Variants in PRKD3 observed in about 807,000 individuals in gnomAD.
PRKD3 encodes the protein serine/threonine-protein kinase D3.
A neutral mutation model predicts 99.2 loss-of-function variants in PRKD3; 47 were observed. The observed-to-expected ratio is 0.47, with a 90% CI of 0.38 to 0.60. The LOEUF is 0.60. Among genes scored for constraint, PRKD3 ranks in the 20% least tolerant of loss-of-function variants. PRKD3 has a pLI of 0.00. For synonymous variants in PRKD3, 392 were observed against 355.4 expected (o/e 1.10, Z -1.16); for missense variants, 1,019 against 1,088.4 (o/e 0.94, Z 0.90).
chr2:37,274,761 T>A, intron 10 of PRKD3, 64 bp from the exon 11 acceptor site: 1 of 1,437,022 alleles, frequency 7.0e-7, no homozygotes, highest in Non-Finnish European at 9.5e-7. Context: ...TTAAATACAC[T>A]AAAGAACCAG....
chr2:37,301,790 C>G (rs926327208), intron 2 of PRKD3, among the ~76,000 whole-genome samples: 3 of 152,186 alleles, frequency 2.0e-5, no homozygotes, highest in African/African-American at 7.2e-5. Flanking sequence ...GAGGTGATGA[C>G]ATGTTTAAGT....
At chr2:37,312,249 AAT>A (rs1228299585) in intron 2 of PRKD3, among the ~76,000 whole-genome samples, 2 of 152,244 alleles carry the variant, frequency 1.3e-5, no homozygotes, top group Admixed American at 6.5e-5. Flanking sequence ...CATTTGTCAA[AAT>A]ATATGTTATG....
chr2:37,282,270 GTTCTT>G (rs1172383114), intron 7 of PRKD3: 1 of 371,488 alleles, frequency 2.7e-6, no homozygotes. Flanking sequence ...TTTAAAACAA[GTTCTT>G]TTATGTCTAA....
intron 2 of PRKD3, among the ~76,000 whole-genome samples, chr2:37,306,954 A>G (rs1671196236): frequency 6.6e-6 from 1 of 152,268 alleles, no homozygotes; most frequent in Admixed American, 6.5e-5. Flanking sequence ...AAAGAGAGAC[A>G]TTGTAGATTT....
chr2:37,313,220 G>T (rs1671514964), intron 2 of PRKD3, among the ~76,000 whole-genome samples: 1 of 151,756 alleles, frequency 6.6e-6, no homozygotes, highest in Non-Finnish European at 1.5e-5. Flanking sequence ...AGAAGCCACA[G>T]ACAAGATATA....
At chr2:37,294,106 C>T (rs879525931) in intron 2 of PRKD3, among the ~76,000 whole-genome samples, 1 of 151,962 alleles carries the variant, frequency 6.6e-6, no homozygotes, top group African/African-American at 2.4e-5. Context: ...TTCTCAAAAC[C>T]TTTTTTTGAG....
intron 1 of PRKD3, among the ~76,000 whole-genome samples, chr2:37,319,408 T>C (rs1257111328): frequency 6.6e-6 from 1 of 152,130 alleles, no homozygotes. Context: ...AATAAAGGCA[T>C]AAAGAATATG....
intron 2 of PRKD3, among the ~76,000 whole-genome samples, chr2:37,300,252 T>G (rs755401957): frequency 2.4e-4 from 37 of 152,216 alleles, no homozygotes; most frequent in South Asian, 1.7e-3. Flanking sequence ...AACATTTCAG[T>G]TGGTGAAATA....
chr2:37,315,457 C>T (rs946784686), intron 2 of PRKD3, among the ~76,000 whole-genome samples: 5 of 151,952 alleles, frequency 3.3e-5, no homozygotes, highest in South Asian at 4.2e-4. Flanking sequence ...TTTTTCAGGA[C>T]GTTCAGAATC....
chr2:37,323,505 C>G (rs1476566791), intron 1 of PRKD3, among the ~76,000 whole-genome samples: 2 of 151,860 alleles, frequency 1.3e-5, no homozygotes, highest in Non-Finnish European at 2.9e-5. Flanking sequence ...GGCTGAATGT[C>G]CATGCTTGAT....
chr2:37,277,848 A>G lies in PRKD3; in HGVS notation c.1296+18T>C. 2 of 1,607,674 alleles carry G rather than the reference A, an allele frequency of 1.2e-6. No homozygotes were observed. Among genetic ancestry groups the G allele is most frequent in the Non-Finnish European group, 1.7e-6 (2 of 1,177,638 alleles). On this transcript the variant is annotated intron_variant, in intron 9 of 18. Transcript: ENST00000234179. ...AACAAAGTCTTACTAGCATATTCAA[A>G]TGTATTTGATTACTGACCAGGTTAT...
At chr2:37,292,402 G>A (rs1293711940) in intron 3 of PRKD3, among the ~76,000 whole-genome samples, 1 of 150,846 alleles carries the variant, frequency 6.6e-6, no homozygotes, top group Non-Finnish European at 1.5e-5. Flanking sequence ...CTGGAGTGCA[G>A]TGGTGCGATC....
chr2:37,298,710 G>A (rs1298256583), intron 2 of PRKD3, among the ~76,000 whole-genome samples: 1 of 151,694 alleles, frequency 6.6e-6, no homozygotes, highest in African/African-American at 2.4e-5. Context: ...AATTTTCTTG[G>A]TTTCTATTCC....
At position 37,317,067 on chromosome 2, in the gene PRKD3, G is replaced by A. The variant is rs1024658280; in HGVS notation, c.-543C>T. On this transcript the variant is annotated 5_prime_UTR_variant, in exon 2 of 19. Transcript: ENST00000234179. ...TCAAATGTCCTCATTTTCATTCTGGGGGGATGAACTTTTCTATGACGAAAT... is the reference window on the plus strand; with the variant it reads ...TCAAATGTCCTCATTTTCATTCTGGAGGGATGAACTTTTCTATGACGAAAT... The A allele has an allele frequency of 2.2e-5, 22 of 985,324 alleles. No homozygotes were observed. Among genetic ancestry groups the A allele is most frequent in the Non-Finnish European group, 2.7e-5 (22 of 829,984 alleles). The allele number at this position is 985,324 out of a possible 1,614,324, so 61.0% of individuals were successfully genotyped here.
intron 3 of PRKD3, 130 bp from the exon 4 acceptor site, chr2:37,291,129 A>G: frequency 1.3e-6 from 1 of 792,818 alleles, no homozygotes; most frequent in Non-Finnish European, 1.8e-6. Flanking sequence ...GGACCATAAA[A>G]GTAAATTATT....
chr2:37,296,081 G>C (rs1216590096), intron 2 of PRKD3, among the ~76,000 whole-genome samples: 1 of 152,014 alleles, frequency 6.6e-6, no homozygotes, highest in East Asian at 1.9e-4. Context: ...TTTCTCTCCA[G>C]AAACTATAGC....
At chr2:37,258,774 T>C (rs1668176445) in intron 16 of PRKD3, among the ~76,000 whole-genome samples, 1 of 152,226 alleles carries the variant, frequency 6.6e-6, no homozygotes, top group South Asian at 2.1e-4. Flanking sequence ...ATCTTTTTAT[T>C]TGAAAAGACA....
At chr2:37,272,521 A>ATGATACATCC in intron 11 of PRKD3, 89 bp from the exon 12 acceptor site, 1 of 1,462,752 alleles carries the variant, frequency 6.8e-7, no homozygotes, top group Non-Finnish European at 9.1e-7. Context: ...ATCAAACTTT[A>ATGATACATCC]AAAAGTTTAG....
At chr2:37,261,473 C>T (rs759642042) in intron 14 of PRKD3, among the ~76,000 whole-genome samples, 61 of 141,128 alleles carry the variant, frequency 4.3e-4, no homozygotes, top group Non-Finnish European at 7.6e-4. Context: ...GGAGACAGAG[C>T]GAGACTTTGT....
Sources: allele counts gnomAD v4.1 joint callset (sites outside exome capture counted in the v4.1 genomes callset), GRCh38; gene constraint gnomAD v4.1.1; transcripts MANE v1.5; gene names NCBI Gene and HGNC (gene_info 2026-07-23, HGNC 2026-07-21).